The following PECR variants were observed in gnomAD, a reference collection of about 807,000 sequenced individuals.
The protein encoded by PECR is peroxisomal trans-2-enoyl-CoA reductase, also known as 2,4-dienoyl-CoA reductase-related protein.
PECR carries 30 observed loss-of-function variants against 35.3 expected under a neutral mutation model. That is an observed-to-expected ratio of 0.85 (90% CI 0.64 to 1.15). The LOEUF (loss-of-function observed/expected upper bound fraction) is 1.15. Ranked by LOEUF, PECR falls within the 50% of genes most tolerant of loss-of-function variation. PECR has a pLI of 0.00. For synonymous variants in PECR, 148 were observed against 138.9 expected (o/e 1.07, Z -0.46); for missense variants, 392 against 370.8 (o/e 1.06, Z -0.47).
At position 216,031,235 on chromosome 2, in the gene PECR, C is replaced by T. The variant is rs186254125; in HGVS notation, c.*440+7956G>A. On this transcript the variant is annotated intron_variant and NMD_transcript_variant, in intron 7 of 7. Transcript: ENST00000442122. ...CAGCCTGGCCAACACGGTGAAACCT[C>T]ATCTCTACTAAAAATACAAAAATTA... is the stretch of plus-strand genomic sequence containing the variant. 1.8e-3 allele frequency among the ~76,000 whole-genome samples: 269 copies of T among 151,762 alleles called. 1 individual carries two copies. The highest frequency in any genetic ancestry group is 6.1e-3 in the African/African-American group (252 of 41,392).
chr2:216,035,736 C>T (rs1477715411), downstream of PECR, among the ~76,000 whole-genome samples: 2 of 152,162 alleles, frequency 1.3e-5, no homozygotes, highest in African/African-American at 4.8e-5. Context: ...ATCTGCCCAC[C>T]TCAGCCTCCC....
rs1193228644 is a variant in PECR at position 216,081,616 on chromosome 2, AC to A, written c.124+1del. ...CTCTGCACCAGCGGCCCGCTCACGT[AC>A]CCAGCTCCAGGAGCTCCTTCACGAT... is the stretch of plus-strand genomic sequence containing the variant. On this transcript the variant is annotated splice_donor_variant, in intron 1 of 7. Transcript: ENST00000265322. LOFTEE classifies it high-confidence loss of function. 6.2e-7 allele frequency: 1 copy of A among 1,613,220 alleles called. No individual in the cohort carries two copies. The highest frequency in any genetic ancestry group is 8.5e-7 in the Non-Finnish European group (1 of 1,179,862).
chr2:216,050,303 G>A (rs10193305), intron 5 of PECR, among the ~76,000 whole-genome samples: 5,283 of 152,262 alleles, frequency 0.035, 143 homozygotes, highest in Non-Finnish European at 0.057. Context: ...GAGAGAAGGG[G>A]CGGAAAGAGA....
intron 2 of PECR, among the ~76,000 whole-genome samples, 166 bp downstream of exon 2, chr2:216,066,219 G>A (rs771711927): frequency 6.6e-6 from 1 of 152,114 alleles, no homozygotes; most frequent in Non-Finnish European, 1.5e-5. Context: ...TCCAGGATTC[G>A]CCGGCTCAGT....
intron 1 of PECR, among the ~76,000 whole-genome samples, chr2:216,069,190 C>G (rs1200364318): frequency 2.0e-5 from 3 of 152,188 alleles, no homozygotes; most frequent in Non-Finnish European, 2.9e-5. Context: ...TTACTGCTAG[C>G]TTTTCAACCC....
At chr2:216,031,611 G>T (rs1054008177) in intron 7 of PECR, among the ~76,000 whole-genome samples, 7 of 122,738 alleles carry the variant, frequency 5.7e-5, no homozygotes, top group Admixed American at 9.1e-5. Flanking sequence ...AAAGAAGGAA[G>T]AAAAGAAAGA....
At position 216,051,430 on chromosome 2, in the gene PECR, A is replaced by G. The variant is rs1466864865; in HGVS notation, c.603+19T>C. The G allele has an allele frequency of 3.5e-6, 5 of 1,417,564 alleles. No homozygotes were observed. The highest frequency in any genetic ancestry group is 1.7e-4 in the Middle Eastern group (1 of 5,716). 87.8% of individuals were successfully genotyped at this position (1,417,564 alleles called of 1,614,324 possible). A position where few individuals can be genotyped will look rare whatever the true frequency, so the allele number is the denominator to read the frequency against. On this transcript the variant is annotated intron_variant, in intron 5 of 7. Transcript: ENST00000265322. Reference sequence around the variant, plus strand: ...AAGCATAATTTGTCAATAAATTTCAATATAGATCGTTTACCTACAGGGGCA... The same window carrying G: ...AAGCATAATTTGTCAATAAATTTCAGTATAGATCGTTTACCTACAGGGGCA...
intron 1 of PECR, among the ~76,000 whole-genome samples, chr2:216,066,909 G>A (rs1332892606): frequency 6.6e-6 from 1 of 152,128 alleles, no homozygotes; most frequent in East Asian, 1.9e-4. Flanking sequence ...TTCTGGACAA[G>A]ATGGAGTAGT....
intron 7 of PECR, among the ~76,000 whole-genome samples, chr2:216,031,694 A>AG (rs1491258898): frequency 2.5e-5 from 3 of 118,914 alleles, no homozygotes; most frequent in African/African-American, 1.0e-4. Context: ...AAAGAAAGAG[A>AG]AAGAAAGAAA....
chr2:216,051,717 A>G (rs1413696372), intron 4 of PECR, among the ~76,000 whole-genome samples, 172 bp from the exon 5 acceptor site: 3 of 152,210 alleles, frequency 2.0e-5, no homozygotes, highest in Non-Finnish European at 4.4e-5. Context: ...TATGTCCTTC[A>G]ATATTAAATC....
chr2:216,058,902 A>G lies in PECR; in HGVS notation c.499T>C (p.Leu167=), dbSNP rs1287574892. The G allele has an allele frequency of 1.3e-6, 2 of 1,588,068 alleles. No homozygotes were observed. Among genetic ancestry groups the G allele is most frequent in the Admixed American group, 1.7e-5 (1 of 59,996 alleles). The part of the protein sequence containing the change: ...IIVPTKAGFP[L]AVHSGAARAG... The stretch of plus-strand genomic sequence containing the variant: ...CTATATAAAAACGCTTACACAGCTA[A>G]TGGAAATCCAGCTTTAGTAGGGACA... The change falls in exon 4 of 8, where the codon TTA becomes CTA. Residue 167 remains leucine, a synonymous_variant. Coordinates refer to ENST00000265322, the MANE Select transcript of PECR (RefSeq NM_018441.6).
At chr2:216,050,626 G>C (rs1695094894) in intron 5 of PECR, among the ~76,000 whole-genome samples, 1 of 152,194 alleles carries the variant, frequency 6.6e-6, no homozygotes, top group African/African-American at 2.4e-5. Flanking sequence ...AGATAGGCTG[G>C]GCGCAGTGGC....
chr2:216,043,766 T>C (rs1457543276), intron 7 of PECR, 138 bp downstream of exon 7: 2 of 650,528 alleles, frequency 3.1e-6, no homozygotes, highest in South Asian at 1.6e-5. Context: ...AATCACATCA[T>C]GAATATAAAC....
At chr2:216,071,810 A>G (rs916621062) in intron 1 of PECR, among the ~76,000 whole-genome samples, 2 of 151,852 alleles carry the variant, frequency 1.3e-5, no homozygotes, top group African/African-American at 4.8e-5. Context: ...ACTTATCTCT[A>G]TTTGTCCCTG....
Position 216,031,443 on chromosome 2 carries a change from AAAAG to A in PECR, c.*440+7744_*440+7747del, listed in dbSNP as rs1313869679. On this transcript the variant is annotated intron_variant and NMD_transcript_variant, in intron 7 of 7. Transcript: ENST00000442122. The stretch of plus-strand genomic sequence containing the variant: ...AAGAAAGAAAGAAAAGAAAGAAAGA[AAAAG>A]AAAGAAAGAGAGAAAGAAAGAAAGA... Among the ~76,000 whole-genome samples, 672 of 125,842 alleles carry A rather than the reference AAAAG, an allele frequency of 5.3e-3. 5 individuals are homozygous for A. The highest frequency in any genetic ancestry group is 0.019 in the African/African-American group (608 of 32,390). The allele number at this position is 125,842 out of a possible 152,430, so 82.6% of individuals were successfully genotyped here.
intron 1 of PECR, 153 bp from the exon 2 acceptor site, chr2:216,066,671 T>C (rs1172950568): frequency 4.0e-6 from 3 of 742,554 alleles, no homozygotes; most frequent in Admixed American, 2.1e-5. Flanking sequence ...AAATATATCA[T>C]GTGTTCCATT....
At chr2:216,059,301 G>T (rs115957744) in intron 3 of PECR, among the ~76,000 whole-genome samples, 4,189 of 152,240 alleles carry the variant, frequency 0.028, 75 homozygotes, top group Non-Finnish European at 0.042. Context: ...TGTTTCTCTA[G>T]ATTTGCCTTT....
At chr2:216,036,780 G>A (rs1694800497), downstream of PECR, among the ~76,000 whole-genome samples, 1 of 152,158 alleles carries the variant, frequency 6.6e-6, no homozygotes, top group Admixed American at 6.5e-5. Context: ...CCCAATAAGT[G>A]TCATGCAAAT....
downstream of PECR, among the ~76,000 whole-genome samples, chr2:216,034,846 A>C (rs1269612967): frequency 6.6e-6 from 1 of 152,152 alleles, no homozygotes; most frequent in Non-Finnish European, 1.5e-5. Context: ...CAGTCAAGAA[A>C]ACTCAGCCAG....
Sources: allele counts gnomAD v4.1 joint callset (sites outside exome capture counted in the v4.1 genomes callset), GRCh38; gene constraint gnomAD v4.1.1; transcripts MANE v1.5; gene names NCBI Gene and HGNC (gene_info 2026-07-23, HGNC 2026-07-21).